IL21R: variants seen among roughly 807,000 people sequenced by gnomAD.
The protein encoded by IL21R is interleukin 21 receptor, also known as interleukin-21 receptor.
Under a neutral mutation model 41.3 loss-of-function variants are expected in IL21R, and 14 were observed. The observed-to-expected ratio is 0.34, with a 90% confidence interval of 0.22 to 0.53. The LOEUF (loss-of-function observed/expected upper bound fraction) is 0.53. Among genes scored for constraint, IL21R ranks in the 20% least tolerant of loss-of-function variants. The probability of loss-of-function intolerance (pLI) is 0.94; values close to 1 mark genes in which losing one functional copy is unlikely to be tolerated. For missense variants in IL21R, 588 were observed against 681.6 expected, an observed-to-expected ratio of 0.86 and a Z score of 1.53; for synonymous variants, 286 against 287.6, an observed-to-expected ratio of 0.99 and a Z score of 0.05.
chr16:27,418,902 A>G (rs1232405176), intron 1 of IL21R, among the ~76,000 whole-genome samples: 2 of 53,242 alleles, frequency 3.8e-5, no homozygotes, highest in Non-Finnish European at 8.1e-5. Context: ...TTTTTACTTA[A>G]AAAAATTTTT....
intron 1 of IL21R, among the ~76,000 whole-genome samples, chr16:27,415,559 T>G (rs534770730): frequency 6.6e-6 from 1 of 152,324 alleles, no homozygotes; most frequent in Non-Finnish European, 1.5e-5. Context: ...GAGAGTGTTT[T>G]GGGGAAATTA....
At chr16:27,441,046 C>CAAAAAAAA (rs35321284) in intron 4 of IL21R, among the ~76,000 whole-genome samples, 8 of 68,302 alleles carry the variant, frequency 1.2e-4, no homozygotes, top group African/African-American at 1.5e-4. Context: ...GATTCTGTCT[C>CAAAAAAAA]AAAAAAAAAA....
rs772132249 is a variant in IL21R, at chr16:27,437,592, TCCA to T, written c.259_261del (p.His87del). 6.2e-7 allele frequency: 1 copy of T among 1,614,106 alleles called. No individual in the cohort carries two copies. Among genetic ancestry groups the T allele is most frequent in the South Asian group, 1.1e-5 (1 of 91,092 alleles). On this transcript the variant is annotated inframe_deletion, in exon 4 of 9. Transcript: ENST00000337929. The stretch of plus-strand genomic sequence containing the variant: ...ACCTACACCTGCCACATGGATGTAT[TCCA>T]CTTCATGGCCGACGACATTTTCAGT...
chr16:27,446,154 C>A, intron 8 of IL21R, 66 bp downstream of exon 8: 2 of 1,358,344 alleles, frequency 1.5e-6, no homozygotes, highest in Non-Finnish European at 2.1e-6. Context: ...CCCACCTCCC[C>A]TCACCCCAGG....
intron 1 of IL21R, among the ~76,000 whole-genome samples, chr16:27,421,652 T>G (rs2087003012): frequency 6.6e-6 from 1 of 152,164 alleles, no homozygotes; most frequent in African/African-American, 2.4e-5. Flanking sequence ...ATCTTCAGAT[T>G]ATTTATTGCC....
At chr16:27,418,396 T>C (rs573499623) in intron 1 of IL21R, among the ~76,000 whole-genome samples, 29 of 133,756 alleles carry the variant, frequency 2.2e-4, no homozygotes, top group African/African-American at 8.0e-4. Flanking sequence ...TGAGACAGAG[T>C]CTCACTCTAT....
chr16:27,430,544 C>T (rs1221499141), intron 2 of IL21R, among the ~76,000 whole-genome samples: 5 of 152,102 alleles, frequency 3.3e-5, no homozygotes, highest in African/African-American at 4.8e-5. Context: ...GCACCGGGTG[C>T]GGTGGCTCCT....
At chr16:27,434,202 T>C in intron 2 of IL21R, 145 bp from the exon 3 acceptor site, 4 of 588,106 alleles carry the variant, frequency 6.8e-6, no homozygotes, top group Non-Finnish European at 1.2e-5. Flanking sequence ...CAGGCCTACA[T>C]CTAAGCAGCT....
intron 3 of IL21R, among the ~76,000 whole-genome samples, chr16:27,436,655 TA>T (rs1333018428): frequency 6.6e-6 from 1 of 152,198 alleles, no homozygotes; most frequent in Non-Finnish European, 1.5e-5. Flanking sequence ...CAGTGGGAGT[TA>T]AAAAGCCACA....
chr16:27,427,073 A>T (rs1307631545), intron 1 of IL21R, among the ~76,000 whole-genome samples: 1 of 152,010 alleles, frequency 6.6e-6, no homozygotes, highest in Non-Finnish European at 1.5e-5. Context: ...GATACCAAAA[A>T]AAGTGTCAGT....
chr16:27,407,360 C>T (rs1212141123), intron 1 of IL21R, among the ~76,000 whole-genome samples: 1 of 152,172 alleles, frequency 6.6e-6, no homozygotes, highest in East Asian at 1.9e-4. Flanking sequence ...ATGTGGGCTA[C>T]AGAGATCTGT....
chr16:27,432,300 G>A (rs562184859), intron 2 of IL21R, among the ~76,000 whole-genome samples: 16 of 152,312 alleles, frequency 1.1e-4, no homozygotes, highest in South Asian at 4.1e-4. Context: ...CAGTGTCTCC[G>A]GCTTACACAT....
chr16:27,435,030 A>G (rs1022493235), intron 3 of IL21R, among the ~76,000 whole-genome samples: 1 of 152,174 alleles, frequency 6.6e-6, no homozygotes, highest in Admixed American at 6.5e-5. Context: ...TGGGAGGCCA[A>G]GGAAGGAGGA....
chr16:27,440,524 C>T (rs1244461023), intron 4 of IL21R, among the ~76,000 whole-genome samples: 1 of 152,136 alleles, frequency 6.6e-6, no homozygotes, highest in African/African-American at 2.4e-5. Flanking sequence ...CCTCCCACCT[C>T]AGCCTCCCAA....
chr16:27,440,248 T>TATATATATAGAGAGAGAGAG (rs1352160946), intron 4 of IL21R, among the ~76,000 whole-genome samples: 32 of 64,018 alleles, frequency 5.0e-4, no homozygotes, highest in African/African-American at 8.8e-4. Flanking sequence ...TATATATATA[T>TATATATATAGAGAGAGAGAG]AGAGAGAGAG....
chr16:27,445,364 G>T lies in IL21R; in HGVS notation c.785+88G>T, dbSNP rs902856121. 4.9e-6 allele frequency: 4 copies of T among 813,084 alleles called. No individual in the cohort carries two copies. The African/African-American group carries it at 6.7e-5, about 14-fold the overall frequency. The allele number at this position is 813,084 out of a possible 1,614,324, so 50.4% of individuals were successfully genotyped here. ...ACATGCAGGGTTGGAAAACATGACT[G>T]TCATCATGGTAACAATGATGATGAT... On this transcript the variant is annotated intron_variant, in intron 7 of 8. Transcript: ENST00000337929.
chr16:27,437,362 C>A (rs954435781), intron 3 of IL21R, 126 bp from the exon 4 acceptor site: 4 of 747,808 alleles, frequency 5.3e-6, no homozygotes, highest in South Asian at 1.6e-5. Context: ...GACCACCCCC[C>A]AGCCCTGCCT....
At chr16:27,448,436 C>G in intron 8 of IL21R, 98 bp from the exon 9 acceptor site, 1 of 1,279,626 alleles carries the variant, frequency 7.8e-7, no homozygotes, top group South Asian at 1.6e-5. Flanking sequence ...GCCTGGGCAG[C>G]AGAGCCAGAC....
chr16:27,438,545 C>A (rs1189412947), intron 4 of IL21R, among the ~76,000 whole-genome samples: 1 of 151,620 alleles, frequency 6.6e-6, no homozygotes, highest in Non-Finnish European at 1.5e-5. Context: ...GGCAATATAG[C>A]GAGACCTCAT....
Sources: allele counts gnomAD v4.1 joint callset (sites outside exome capture counted in the v4.1 genomes callset), GRCh38; gene constraint gnomAD v4.1.1; transcripts MANE v1.5; gene names NCBI Gene and HGNC (gene_info 2026-07-23, HGNC 2026-07-21).